The following ERO1B variants were observed in gnomAD, a reference collection of about 807,000 sequenced individuals.
The protein encoded by ERO1B is ERO1-like protein beta.
A neutral mutation model predicts 75.3 loss-of-function variants in ERO1B; 49 were observed. The ratio of observed to expected loss-of-function variants is 0.65; its 90% CI spans 0.52 to 0.83. The LOEUF (loss-of-function observed/expected upper bound fraction) is 0.83. ERO1B is among the 40% of genes least tolerant of loss of function. ERO1B has a pLI of 0.00. For synonymous variants in ERO1B, 191 were observed against 192.9 expected (o/e 0.99, Z 0.08); for missense variants, 512 against 560.1 (o/e 0.91, Z 0.87).
At chr1:236,250,618 T>G (rs2254375) in intron 4 of ERO1B, among the ~76,000 whole-genome samples, 62,613 of 110,222 alleles carry the variant, frequency 0.57, 18,620 homozygotes, top group East Asian at 0.85. Flanking sequence ...TATATATATA[T>G]CAAACGTGTG....
chr1:236,251,942 C>T, intron 4 of ERO1B, 108 bp downstream of exon 4: 1 of 775,176 alleles, frequency 1.3e-6, no homozygotes, highest in Non-Finnish European at 2.1e-6. Flanking sequence ...AAAATGTCTC[C>T]ATTCCCAACT....
chr1:236,235,932 C>CT (rs944750672), intron 7 of ERO1B, 97 bp from the exon 8 acceptor site: 19,226 of 885,858 alleles, frequency 0.022, 1 homozygote, highest in South Asian at 0.029. Flanking sequence ...TCCCCACCCT[C>CT]TTTTTTTTTT....
At chr1:236,229,426 A>C (rs1664350051) in intron 10 of ERO1B, among the ~76,000 whole-genome samples, 2 of 152,034 alleles carry the variant, frequency 1.3e-5, no homozygotes, top group Middle Eastern at 3.4e-3. Context: ...CTGACTCAAA[A>C]AAAAAAAAAA....
At chr1:236,238,760 G>A (rs1166537878) in intron 6 of ERO1B, among the ~76,000 whole-genome samples, 1 of 151,814 alleles carries the variant, frequency 6.6e-6, no homozygotes, top group African/African-American at 2.4e-5. Context: ...GTGTGTACAT[G>A]TAGGACTACA....
chr1:236,233,383 G>A (rs1317494908), intron 8 of ERO1B, among the ~76,000 whole-genome samples: 4 of 150,926 alleles, frequency 2.7e-5, no homozygotes, highest in Non-Finnish European at 2.9e-5. Context: ...AGGATCACCA[G>A]GTCAGGAGTT....
chr1:236,263,778 C>CTTTTTTTTTTTTTTTTTTTT lies in ERO1B; in HGVS notation c.222+6077_222+6096dup. Among the ~76,000 whole-genome samples, 6 of 80,296 alleles carry CTTTTTTTTTTTTTTTTTTTT rather than the reference C, an allele frequency of 7.5e-5. 1 individual carries two copies. The highest frequency in any genetic ancestry group is 1.6e-4 in the African/African-American group (3 of 19,098). The allele number at this position is 80,296 out of a possible 152,430, so 52.7% of individuals were successfully genotyped here. A position where few individuals can be genotyped will look rare whatever the true frequency, so the allele number is the denominator to read the frequency against. On this transcript the variant is annotated intron_variant, in intron 2 of 15. Transcript: ENST00000354619. ...TATATTTTTTGTTTTATTTTGTTTG[C>CTTTTTTTTTTTTTTTTTTTT]TTTTTTTTTTTTTTTTTTTTTTTTT...
chr1:236,242,067 CA>C (rs11339161), intron 6 of ERO1B, among the ~76,000 whole-genome samples: 92,219 of 132,902 alleles, frequency 0.69, 32,881 homozygotes, highest in Non-Finnish European at 0.82. Context: ...GACTCTGTCT[CA>C]AAAAAAAAAA....
chr1:236,231,522 C>G (rs1242141530), intron 9 of ERO1B, among the ~76,000 whole-genome samples: 1 of 146,076 alleles, frequency 6.8e-6, no homozygotes, highest in South Asian at 2.2e-4. Context: ...AAAAAAGAAC[C>G]ATTCCTGGCC....
intron 1 of ERO1B, among the ~76,000 whole-genome samples, chr1:236,276,649 G>A (rs145671330): frequency 6.6e-6 from 1 of 152,272 alleles, no homozygotes; most frequent in East Asian, 1.9e-4. Flanking sequence ...AGGTGCGGTA[G>A]GAGCAAAAGT....
rs186101055 is a variant in ERO1B, at chr1:236,254,032, C to T, written c.223-527G>A. Among the ~76,000 whole-genome samples, 40 of 152,224 alleles carry T rather than the reference C, an allele frequency of 2.6e-4. No individual in the cohort carries two copies. The East Asian group carries it at 5.0e-3, about 19-fold the overall frequency. On this transcript the variant is annotated intron_variant, in intron 2 of 15. Transcript: ENST00000354619. ...AATATTTTAGGATGGAGGAAGTGTG[C>T]ATTTGGATAAGGCAATAAAAAGCCT...
At chr1:236,259,800 CTTTCAACAT>C (rs1424656332) in intron 2 of ERO1B, among the ~76,000 whole-genome samples, 1 of 150,594 alleles carries the variant, frequency 6.6e-6, no homozygotes, top group Non-Finnish European at 1.5e-5. Flanking sequence ...CAATACTCCA[CTTTCAACAT>C]TAGATCACCT....
chr1:236,281,596 C>CCCTGCCCGGCGGA, intron 1 of ERO1B, 86 bp downstream of exon 1: 1 of 1,028,638 alleles, frequency 9.7e-7, no homozygotes, highest in Non-Finnish European at 1.3e-6. Context: ...CCCTGCCCGG[C>CCCTGCCCGGCGGA]CCTCCCCGCG....
chr1:236,248,647 TATAGG>T (rs1268753190), intron 5 of ERO1B, among the ~76,000 whole-genome samples: 1 of 152,130 alleles, frequency 6.6e-6, no homozygotes, highest in Non-Finnish European at 1.5e-5. Flanking sequence ...GAATGTTAAA[TATAGG>T]ATATCATTTA....
chr1:236,272,511 A>G (rs1665614219), intron 1 of ERO1B, among the ~76,000 whole-genome samples: 1 of 152,214 alleles, frequency 6.6e-6, no homozygotes, highest in Non-Finnish European at 1.5e-5. Context: ...GCTAACACTG[A>G]GTATACATGA....
intron 2 of ERO1B, among the ~76,000 whole-genome samples, chr1:236,262,332 T>C (rs1665310695): frequency 6.6e-6 from 1 of 152,194 alleles, no homozygotes; most frequent in Non-Finnish European, 1.5e-5. Context: ...AAAAATGCTC[T>C]TCCCCAGGTA....
chr1:236,228,000 ACTTCT>A (rs1413002031), intron 10 of ERO1B, among the ~76,000 whole-genome samples: 2 of 152,138 alleles, frequency 1.3e-5, no homozygotes, highest in South Asian at 2.1e-4. Context: ...TTAAGTACTA[ACTTCT>A]CTTCTACTAA....
chr1:236,218,646 T>G, intron 15 of ERO1B, 70 bp from the exon 16 acceptor site: 1 of 1,182,588 alleles, frequency 8.5e-7, no homozygotes, highest in East Asian at 3.9e-5. Flanking sequence ...ATTGATATTG[T>G]TACATAAGCT....
At chr1:236,251,827 T>C (rs933102605) in intron 4 of ERO1B, among the ~76,000 whole-genome samples, 2 of 152,154 alleles carry the variant, frequency 1.3e-5, no homozygotes, top group African/African-American at 4.8e-5. Context: ...CATTTAATAG[T>C]TGTTCCAGAG....
chr1:236,250,592 TATATATATATATATATATATATATA>T (rs1664995966), intron 4 of ERO1B, among the ~76,000 whole-genome samples: 2 of 57,338 alleles, frequency 3.5e-5, no homozygotes, highest in South Asian at 5.0e-4. Context: ...TATATATATA[TATATATATATATATATATATATATA>T]TCAAACGTGT....
Sources: allele counts gnomAD v4.1 joint callset (sites outside exome capture counted in the v4.1 genomes callset), GRCh38; gene constraint gnomAD v4.1.1; transcripts MANE v1.5; gene names NCBI Gene and HGNC (gene_info 2026-07-23, HGNC 2026-07-21).